FARP2: variants seen among roughly 807,000 people sequenced by gnomAD.
The protein encoded by FARP2 is FERM, ARHGEF and pleckstrin domain-containing protein 2.
Under a neutral mutation model 130.5 loss-of-function variants are expected in FARP2, and 111 were observed. The observed-to-expected ratio is 0.85, with a 90% CI of 0.73 to 1.00. The LOEUF (loss-of-function observed/expected upper bound fraction) is 1.00. FARP2 is among the 50% of genes least tolerant of loss of function. FARP2 has a pLI of 0.00. For missense variants in FARP2, 1,385 were observed against 1,346.3 expected (o/e 1.03, Z -0.45); for synonymous variants, 504 against 516.9 (o/e 0.98, Z 0.34).
At chr2:241,451,785 C>T (rs974894511) in intron 13 of FARP2, among the ~76,000 whole-genome samples, 2 of 152,038 alleles carry the variant, frequency 1.3e-5, no homozygotes, top group African/African-American at 4.8e-5. Context: ...GACACAGTCT[C>T]ACTCTGTTCC....
intron 7 of FARP2, among the ~76,000 whole-genome samples, chr2:241,417,177 G>A (rs1279206052): frequency 6.6e-6 from 1 of 151,108 alleles, no homozygotes. Flanking sequence ...TGCACCTGTC[G>A]TCCCAGCTAC....
chr2:241,453,366 T>G (rs1463482293), intron 13 of FARP2, among the ~76,000 whole-genome samples: 4 of 151,582 alleles, frequency 2.6e-5, no homozygotes, highest in South Asian at 4.2e-4. Flanking sequence ...CTCATGCCTG[T>G]AATCCCAGCA....
At chr2:241,493,175 ACTGG>A in intron 25 of FARP2, 114 bp from the exon 26 acceptor site, 1 of 1,284,346 alleles carries the variant, frequency 7.8e-7, no homozygotes, top group African/African-American at 1.5e-5. Context: ...GAACAGGGAA[ACTGG>A]CTCCCTTGGC....
intron 20 of FARP2, 180 bp from the exon 21 acceptor site, chr2:241,484,062 C>G (rs543198017): frequency 3.8e-5 from 53 of 1,395,996 alleles, no homozygotes; most frequent in Non-Finnish European, 4.8e-5. Flanking sequence ...TCCTGTGGCC[C>G]TTTCCTGCCT....
intron 7 of FARP2, among the ~76,000 whole-genome samples, chr2:241,413,633 A>T (rs1040054239): frequency 6.6e-6 from 1 of 152,176 alleles, no homozygotes; most frequent in Non-Finnish European, 1.5e-5. Flanking sequence ...CACCTGCACG[A>T]TGTGCTGCTT....
At chr2:241,408,383 A>G (rs957075375) in intron 5 of FARP2, among the ~76,000 whole-genome samples, 1 of 151,890 alleles carries the variant, frequency 6.6e-6, no homozygotes, top group East Asian at 1.9e-4. Flanking sequence ...AAAAAAAAAA[A>G]GAAAAGAAAA....
chr2:241,452,061 A>C (rs1175286224), intron 13 of FARP2, among the ~76,000 whole-genome samples: 2 of 152,184 alleles, frequency 1.3e-5, no homozygotes, highest in African/African-American at 2.4e-5. Context: ...TCTGCTTTTA[A>C]CCATGCATTC....
chr2:241,471,659 A>T (rs1385915579), intron 18 of FARP2, among the ~76,000 whole-genome samples: 3 of 151,216 alleles, frequency 2.0e-5, no homozygotes, highest in African/African-American at 7.3e-5. Context: ...ACGCCTGTCT[A>T]ATTTTTTTTG....
intron 2 of FARP2, among the ~76,000 whole-genome samples, chr2:241,375,783 G>A (rs1470690250): frequency 6.6e-6 from 1 of 151,766 alleles, no homozygotes; most frequent in Non-Finnish European, 1.5e-5. Context: ...TTAAGAGACA[G>A]GATCTTGCTA....
rs1559702326 is a variant in FARP2 at position 241,366,136 on chromosome 2, T to TAC, written c.-24-6947_-24-6946insCA. ...ATATATATATACGTATATATATATATATACACACACACATATATATTTTCT... is the reference window on the plus strand; with the variant it reads ...ATATATATATACGTATATATATATATACATACACACACACATATATATTTTCT... On this transcript the variant is annotated intron_variant, in intron 1 of 26. Transcript: ENST00000264042. Among the ~76,000 whole-genome samples, 5 of 54,362 alleles carry TAC rather than the reference T, an allele frequency of 9.2e-5. No individual in the cohort carries two copies. In the East Asian group the frequency reaches 1.4e-3, roughly 15 times the overall value. The allele number at this position is 54,362 out of a possible 152,430, so 35.7% of individuals were successfully genotyped here.
chr2:241,486,265 G>A (rs1232735416), intron 21 of FARP2, among the ~76,000 whole-genome samples: 2 of 151,276 alleles, frequency 1.3e-5, no homozygotes, highest in African/African-American at 2.4e-5. Flanking sequence ...GGGGAACATG[G>A]CGAAGCCAAA....
chr2:241,418,969 C>T (rs1159807939), intron 8 of FARP2, among the ~76,000 whole-genome samples: 1 of 152,164 alleles, frequency 6.6e-6, no homozygotes, highest in Non-Finnish European at 1.5e-5. Context: ...GAAAAGGTCT[C>T]CTCAATGCTG....
intron 13 of FARP2, among the ~76,000 whole-genome samples, chr2:241,454,773 A>G (rs1293947353): frequency 8.5e-5 from 13 of 152,230 alleles, no homozygotes; most frequent in Admixed American, 6.5e-5. Context: ...ATAATTTCCT[A>G]TAGTGATGTT....
At chr2:241,404,576 C>A (rs2062281222) in intron 3 of FARP2, among the ~76,000 whole-genome samples, 1 of 152,222 alleles carries the variant, frequency 6.6e-6, no homozygotes, top group Admixed American at 6.5e-5. Context: ...ATCCCAGTAT[C>A]ATATAGCAAT....
Position 241,468,172 on chromosome 2 carries a change from G to A in FARP2, c.1926G>A (p.Glu642=). 1 of 1,613,950 alleles carries A rather than the reference G, an allele frequency of 6.2e-7. No individual in the cohort carries two copies. Among genetic ancestry groups the A allele is most frequent in the Non-Finnish European group, 8.5e-7 (1 of 1,179,882 alleles). Residue 642 remains glutamate, a synonymous_variant, in exon 18 of 27, where the codon GAG becomes GAA. Coordinates refer to ENST00000264042, the MANE Select transcript of FARP2 (RefSeq NM_014808.4). ...EFTSYFQRHD[E]VLTELEKATK... ...CCAGCTACTTCCAAAGACATGACGA[G>A]GTCCTAACAGAACTGGAAAAGGCTA...
chr2:241,435,116 C>A, intron 11 of FARP2, 86 bp downstream of exon 11: 3 of 745,710 alleles, frequency 4.0e-6, no homozygotes, highest in Admixed American at 3.0e-5. Context: ...AAAAGAGAGA[C>A]TGAGTCTTGC....
At chr2:241,491,799 G>C in intron 24 of FARP2, 120 bp downstream of exon 24, 1 of 926,044 alleles carries the variant, frequency 1.1e-6, no homozygotes, top group Non-Finnish European at 1.6e-6. Context: ...CCAGAGGACT[G>C]CCTCTTACTC....
chr2:241,463,812 C>A, intron 16 of FARP2, 87 bp from the exon 17 acceptor site: 1 of 1,186,058 alleles, frequency 8.4e-7, no homozygotes, highest in Non-Finnish European at 1.2e-6. Context: ...CCAGCTGGAA[C>A]CAAGGCAGCT....
chr2:241,482,688 C>A lies in FARP2; in HGVS notation c.2263-777C>A, dbSNP rs1445272381. Among the ~76,000 whole-genome samples the A allele has an allele frequency of 2.6e-5, 4 of 152,128 alleles. No homozygotes were observed. The highest frequency in any genetic ancestry group is 9.7e-5 in the African/African-American group (4 of 41,414). On this transcript the variant is annotated intron_variant, in intron 19 of 26. Coordinates refer to ENST00000264042, the MANE Select transcript of FARP2 (RefSeq NM_014808.4). This position sits in a 1 kb window ranked among gnomAD's most constrained non-coding sequence, Gnocchi z 4.6. ...GTGTGCTCCTCCTTCTGCCTTCACG[C>A]AGTATGTTGGGACTGCTCATACTAG...
Sources: gnomAD v4.1 joint callset for allele counts (sites outside exome capture counted in the v4.1 genomes callset) on GRCh38, gnomAD v4.1.1 for gene constraint, Gnocchi (gnomAD v3.1) non-coding constraint, MANE v1.5 for transcripts, NCBI Gene and HGNC (gene_info 2026-07-23, HGNC 2026-07-21) for gene names.